The following PCLO variants were observed in gnomAD, a reference collection of about 807,000 sequenced individuals.
PCLO encodes the protein piccolo presynaptic cytomatrix protein, also known as protein piccolo.
PCLO carries 82 observed loss-of-function variants against 427.5 expected under a neutral mutation model. That is an observed-to-expected ratio of 0.19 (90% confidence interval 0.16 to 0.23). PCLO has a LOEUF of 0.23. PCLO is among the 10% of genes least tolerant of loss of function. PCLO has a pLI of 1.00. For missense variants in PCLO, 6,239 were observed against 6,115.9 expected (o/e 1.02, Z -0.67); for synonymous variants, 2,357 against 2,155.4 (o/e 1.09, Z -2.59).
chr7:82,873,828 G>GGGT (rs1793301540), intron 10 of PCLO, among the ~76,000 whole-genome samples: 1 of 151,470 alleles, frequency 6.6e-6, no homozygotes, highest in African/African-American at 2.4e-5. Flanking sequence ...TGGGGGGGTG[G>GGGT]TTTCTGTCAG....
chr7:82,996,262 C>T (rs370234756), intron 3 of PCLO, among the ~76,000 whole-genome samples: 1 of 151,656 alleles, frequency 6.6e-6, no homozygotes, highest in Non-Finnish European at 1.5e-5. Context: ...ATTTTCAGTA[C>T]TCTTGGGTAT....
rs527540359 is a variant in PCLO, at chr7:82,932,673, T to C, written c.11113-15800A>G. Among the ~76,000 whole-genome samples the C allele has an allele frequency of 2.1e-4, 32 of 152,198 alleles. 1 individual carries two copies. The South Asian group carries it at 6.4e-3, about 31-fold the overall frequency. ...TGTGGGATCATCATCCTCACAGATG[T>C]TGAAGTCATTCAGGATCTGGCAGGA... On this transcript the variant is annotated intron_variant, in intron 6 of 24. Coordinates refer to ENST00000333891, the MANE Select transcript of PCLO (RefSeq NM_033026.6).
In PCLO at chr7:83,156,344, G is replaced by C. The variant is rs1324614834; in HGVS notation, c.297C>G (p.Pro99=). ...GTTGAGCTGGACGCCCAGGGTCCGG[G>C]GGTCTTCCTGATTGCTTTGGAGGAT... The part of the protein sequence containing the change: ...SSHPPKQSGR[P]PDPGRPAQPG... Residue 99 remains proline (P), a synonymous_variant, in exon 2 of 25, where the codon CCC becomes CCG. Transcript: ENST00000333891. 6.2e-6 allele frequency: 10 copies of C among 1,612,452 alleles called. No individual in the cohort carries two copies. The highest frequency in any genetic ancestry group is 1.7e-4 in the Middle Eastern group (1 of 6,052).
intron 9 of PCLO, among the ~76,000 whole-genome samples, chr7:82,888,589 A>T (rs2116101715): frequency 6.6e-6 from 1 of 152,272 alleles, no homozygotes; most frequent in Non-Finnish European, 1.5e-5. Flanking sequence ...TTCAACTTTG[A>T]AGCAAACAAA....
chr7:82,856,389 G>A (rs762534752), intron 10 of PCLO, among the ~76,000 whole-genome samples: 10 of 152,062 alleles, frequency 6.6e-5, no homozygotes, highest in Non-Finnish European at 1.0e-4. Flanking sequence ...GATAAGATTC[G>A]ATTTCTAATC....
Position 82,955,293 on chromosome 7 carries a change from G to A in PCLO, c.5660C>T (p.Pro1887Leu), listed in dbSNP as rs1328465099. 1 of 1,613,298 alleles carries A rather than the reference G, an allele frequency of 6.2e-7. No homozygotes were observed. The highest frequency in any genetic ancestry group is 2.2e-5 in the East Asian group (1 of 44,828). Residue 1887 changes from proline (P) to leucine (L), a missense_variant, in exon 5 of 25, where the codon CCC becomes CTC. Pro to Leu is a moderately conservative substitution (Grantham distance 98). Around this residue, in one of 5 missense-constraint regions of PCLO, gnomAD observed 4,677 missense variants for 4,468.4 expected, o/e 1.05. Coordinates refer to ENST00000333891, the MANE Select transcript of PCLO (RefSeq NM_033026.6). ...IIEVQKVYKL[P>L]TAVSLYSPTD... ...TGGTGAGTATAATGAAACAGCTGTG[G>A]GCAATTTATAAACTTTTTGTACTTC... is the stretch of plus-strand genomic sequence containing the variant.
At chr7:82,909,398 TC>T (rs1177336682) in intron 7 of PCLO, among the ~76,000 whole-genome samples, 2 of 151,964 alleles carry the variant, frequency 1.3e-5, no homozygotes, top group African/African-American at 4.8e-5. Flanking sequence ...ACACATTCTC[TC>T]CCATACTCTC....
rs777329068 is a variant in PCLO, at chr7:82,886,251, A to G, written c.13529-6789T>C. On this transcript the variant is annotated intron_variant, in intron 9 of 24. Coordinates refer to ENST00000333891, the MANE Select transcript of PCLO (RefSeq NM_033026.6). ...TCAGTATAATCTCCATTTCTCTATT[A>G]CTGCATACAGTTTTATGTATGTTTA... Among the ~76,000 whole-genome samples, 8 of 152,180 alleles carry G rather than the reference A, an allele frequency of 5.3e-5. No individual in the cohort carries two copies. The South Asian group carries it at 1.2e-3, about 24-fold the overall frequency.
At chr7:83,050,223 A>AC (rs1789204982) in intron 3 of PCLO, among the ~76,000 whole-genome samples, 3 of 121,454 alleles carry the variant, frequency 2.5e-5, no homozygotes, top group Non-Finnish European at 3.4e-5. Flanking sequence ...AAAAAAAAAA[A>AC]AAAAAAAAAA....
chr7:83,038,037 ATT>A (rs1343452158), intron 3 of PCLO, among the ~76,000 whole-genome samples: 370 of 33,774 alleles, frequency 0.011, 43 homozygotes, highest in African/African-American at 0.044. Context: ...ATATTTATAT[ATT>A]TATATATATA....
chr7:83,058,867 A>T (rs1789467852), intron 3 of PCLO, among the ~76,000 whole-genome samples: 1 of 152,162 alleles, frequency 6.6e-6, no homozygotes, highest in East Asian at 1.9e-4. Context: ...ATGACAAGTC[A>T]GCATTTATAA....
intron 3 of PCLO, among the ~76,000 whole-genome samples, chr7:83,072,513 T>C (rs1789844484): frequency 6.6e-6 from 1 of 152,054 alleles, no homozygotes; most frequent in South Asian, 2.1e-4. Context: ...TGTCTTCAAT[T>C]GTATGTAAGA....
chr7:82,887,871 C>T (rs565337586), intron 9 of PCLO, among the ~76,000 whole-genome samples: 14 of 152,168 alleles, frequency 9.2e-5, no homozygotes, highest in African/African-American at 3.4e-4. Flanking sequence ...AGTTCAAGAC[C>T]AGCCTGGCCA....
intron 3 of PCLO, among the ~76,000 whole-genome samples, chr7:83,124,811 G>A (rs977631581): frequency 1.3e-5 from 2 of 152,090 alleles, no homozygotes; most frequent in Non-Finnish European, 2.9e-5. Flanking sequence ...TGTTGCTGAG[G>A]CTGGACTGTA....
intron 3 of PCLO, among the ~76,000 whole-genome samples, chr7:83,112,369 T>C (rs183522270): frequency 6.6e-6 from 1 of 152,186 alleles, no homozygotes. Context: ...TTGTATTTTT[T>C]TAAGAACGGG....
intron 3 of PCLO, among the ~76,000 whole-genome samples, chr7:83,057,380 G>C (rs553295341): frequency 0.021 from 423 of 20,534 alleles, 3 homozygotes; most frequent in Non-Finnish European, 0.039. Flanking sequence ...TTTTTTTTTT[G>C]AGGCAGAGTC....
At chr7:83,070,222 T>C (rs751318310) in intron 3 of PCLO, among the ~76,000 whole-genome samples, 21 of 152,118 alleles carry the variant, frequency 1.4e-4, no homozygotes, top group Non-Finnish European at 1.9e-4. Context: ...TCAGTGAGTC[T>C]GGAAGTAGAA....
chr7:82,799,769 T>C (rs10232050), intron 22 of PCLO, among the ~76,000 whole-genome samples: 8,211 of 152,240 alleles, frequency 0.054, 709 homozygotes, highest in African/African-American at 0.18. Flanking sequence ...ATTTCTTTCA[T>C]GTTTCTTGCT....
chr7:83,081,919 A>G (rs1022451005), intron 3 of PCLO, among the ~76,000 whole-genome samples: 3 of 151,774 alleles, frequency 2.0e-5, no homozygotes, highest in African/African-American at 7.2e-5. Context: ...GTAAATGAGT[A>G]AAAAATAAAT....
Sources: gnomAD v4.1 joint callset for allele counts (sites outside exome capture counted in the v4.1 genomes callset) on GRCh38, gnomAD v4.1.1 for gene constraint, gnomAD v4.1.1 regional missense constraint, MANE v1.5 for transcripts, NCBI Gene and HGNC (gene_info 2026-07-23, HGNC 2026-07-21) for gene names.